Variants in ADAM10 observed in about 807,000 individuals in gnomAD.
The protein encoded by ADAM10 is disintegrin and metalloproteinase domain-containing protein 10.
ADAM10 carries 17 observed loss-of-function variants against 90.1 expected under a neutral mutation model. The ratio of observed to expected loss-of-function variants is 0.19; its 90% CI spans 0.13 to 0.28. The LOEUF (loss-of-function observed/expected upper bound fraction) is 0.28, where lower values mean the gene tolerates loss of function less well. Among genes scored for constraint, ADAM10 ranks in the 10% least tolerant of loss-of-function variants. The pLI, the probability that ADAM10 is intolerant of heterozygous loss-of-function variation, is 1.00. For missense variants in ADAM10, 610 were observed against 914.3 expected (o/e 0.67, Z 4.29); for synonymous variants, 310 against 298.6 (o/e 1.04, Z -0.40).
chr15:58,749,443 G>C, intron 1 of ADAM10, 37 bp downstream of exon 1: 4 of 1,521,018 alleles, frequency 2.6e-6, no homozygotes, highest in Non-Finnish European at 3.5e-6. Flanking sequence ...GCTCCGCCGT[G>C]GTCGCGGCGC....
intron 4 of ADAM10, among the ~76,000 whole-genome samples, chr15:58,671,874 C>G (rs1359064302): frequency 6.6e-6 from 1 of 151,854 alleles, no homozygotes; most frequent in Non-Finnish European, 1.5e-5. Flanking sequence ...TTTTAGCAGC[C>G]TTTAAACTCT....
chr15:58,739,549 T>A (rs1429029827), intron 1 of ADAM10, among the ~76,000 whole-genome samples: 2 of 151,642 alleles, frequency 1.3e-5, no homozygotes, highest in African/African-American at 2.4e-5. Flanking sequence ...ATAAATATTT[T>A]CAAAAAATAA....
chr15:58,665,823 C>A (rs1460811400), intron 4 of ADAM10, among the ~76,000 whole-genome samples: 1 of 151,920 alleles, frequency 6.6e-6, no homozygotes, highest in African/African-American at 2.4e-5. Context: ...ATTTTTAGAT[C>A]CTGACTTACT....
chr15:58,651,447 T>C (rs990022000), intron 5 of ADAM10, among the ~76,000 whole-genome samples: 2 of 152,150 alleles, frequency 1.3e-5, no homozygotes, highest in Non-Finnish European at 2.9e-5. Flanking sequence ...CCTTCTACTC[T>C]CTATCTCCAT....
At position 58,656,583 on chromosome 15, in the gene ADAM10, AAAG is replaced by A. The variant is rs1472615759; in HGVS notation, c.585+8511_585+8513del. Reference sequence around the variant, plus strand: ...AGTGATTGCATAATTATAGAAGCAAAAAGAAGACTAATAAAAACTTTACACTTT... The same window carrying A: ...AGTGATTGCATAATTATAGAAGCAAAAAGACTAATAAAAACTTTACACTTT... On this transcript the variant is annotated intron_variant, in intron 5 of 15. Transcript: ENST00000260408. Among the ~76,000 whole-genome samples, 5 of 152,160 alleles carry A rather than the reference AAAG, an allele frequency of 3.3e-5. No individual in the cohort carries two copies. In the East Asian group the frequency reaches 7.7e-4, roughly 23 times the overall value.
chr15:58,719,972 CCTTCTCCCACA>C (rs1355416866), intron 1 of ADAM10, among the ~76,000 whole-genome samples: 12 of 152,312 alleles, frequency 7.9e-5, no homozygotes, highest in African/African-American at 2.6e-4. Context: ...TCCTTTTCTT[CCTTCTCCCACA>C]CTTTGCCTTT....
chr15:58,645,552 T>C (rs544815118), intron 6 of ADAM10, among the ~76,000 whole-genome samples: 1 of 152,294 alleles, frequency 6.6e-6, no homozygotes, highest in African/African-American at 2.4e-5. Flanking sequence ...ATCTTCTCCA[T>C]TTCAAATCCT....
chr15:58,680,795 C>T (rs1897412242), intron 3 of ADAM10, among the ~76,000 whole-genome samples: 2 of 152,060 alleles, frequency 1.3e-5, no homozygotes, highest in Non-Finnish European at 2.9e-5. Context: ...GAGCCCAAGA[C>T]GCTGATATTT....
intron 11 of ADAM10, among the ~76,000 whole-genome samples, chr15:58,619,888 T>C (rs1895729581): frequency 6.7e-6 from 1 of 149,150 alleles, no homozygotes; most frequent in Admixed American, 6.7e-5. Flanking sequence ...TGGGCGACAG[T>C]GCAAGACTCC....
chr15:58,619,643 A>G (rs370260460), intron 11 of ADAM10, among the ~76,000 whole-genome samples: 1 of 151,918 alleles, frequency 6.6e-6, no homozygotes, highest in Non-Finnish European at 1.5e-5. Context: ...AGTGGCTCAC[A>G]CCTGTAATCC....
intron 14 of ADAM10, among the ~76,000 whole-genome samples, chr15:58,600,036 G>A (rs1217352997): frequency 6.6e-6 from 1 of 152,006 alleles, no homozygotes; most frequent in Non-Finnish European, 1.5e-5. Context: ...CAAAACTGGG[G>A]TCATCTTGCA....
At chr15:58,697,553 C>T (rs2140784609) in intron 2 of ADAM10, among the ~76,000 whole-genome samples, 1 of 152,326 alleles carries the variant, frequency 6.6e-6, no homozygotes, top group African/African-American at 2.4e-5. Context: ...TCCCCAACCA[C>T]ATGCACCACC....
In ADAM10 at chr15:58,657,462, T is replaced by C. The variant is rs80091426; in HGVS notation, c.585+7635A>G. 4.2e-3 allele frequency among the ~76,000 whole-genome samples: 645 copies of C among 152,348 alleles called. 3 individuals carry two copies. Among genetic ancestry groups the C allele is most frequent in the African/African-American group, 0.015 (614 of 41,580 alleles). ...CTCACTAATTCTTCTGTTTTATCAA[T>C]TCTGTTACTAAGAGACTCTGATGCA... On this transcript the variant is annotated intron_variant, in intron 5 of 15. Transcript: ENST00000260408.
At chr15:58,669,088 T>A (rs1267452623) in intron 4 of ADAM10, among the ~76,000 whole-genome samples, 27 of 152,134 alleles carry the variant, frequency 1.8e-4, no homozygotes, top group African/African-American at 6.5e-4. Context: ...ATTAATTTAT[T>A]AAGCAAACAA....
chr15:58,723,002 G>A (rs1250835353), intron 1 of ADAM10, among the ~76,000 whole-genome samples: 1 of 151,970 alleles, frequency 6.6e-6, no homozygotes, highest in African/African-American at 2.4e-5. Context: ...AAAGTGCTGG[G>A]ATTACAGGTG....
chr15:58,599,620 C>G lies in ADAM10; in HGVS notation c.2130G>C (p.Leu710Phe). Residue 710 changes from leucine (L) to phenylalanine (F), a missense_variant, in exon 15 of 16, where the codon TTG becomes TTC. Transcript: ENST00000260408. The stretch of plus-strand genomic sequence containing the variant: ...TACCTGGAAGTGGTTTAGGAGGAGG[C>G]AACTTTGGATTACTACTTGGAGTAT... ...SVHTPSSNPK[L>F]PPPKPLPGTL... 6.2e-7 allele frequency: 1 copy of G among 1,613,264 alleles called. No homozygotes were observed. Among genetic ancestry groups the G allele is most frequent in the South Asian group, 1.1e-5 (1 of 91,068 alleles).
At chr15:58,748,737 T>C (rs756902713) in intron 1 of ADAM10, 13 of 392,654 alleles carry the variant, frequency 3.3e-5, no homozygotes, top group Non-Finnish European at 5.4e-5. Context: ...GGTTTACCCT[T>C]CTCCCGACCA....
rs1476555175 is a variant in ADAM10 at position 58,684,913 on chromosome 15, G to T, written c.207-2599C>A. The stretch of plus-strand genomic sequence containing the variant: ...GAGAACTGAATTACGCTGAATTGTT[G>T]AACACCCACTTGGTGTCTGGAGAAT... On this transcript the variant is annotated intron_variant, in intron 2 of 15. Coordinates refer to ENST00000260408, the MANE Select transcript of ADAM10 (RefSeq NM_001110.4). 2.8e-4 allele frequency among the ~76,000 whole-genome samples: 42 copies of T among 152,108 alleles called. 1 individual carries two copies. The highest frequency in any genetic ancestry group is 2.9e-5 in the Non-Finnish European group (2 of 68,016).
At chr15:58,721,904 T>G (rs1159124920) in intron 1 of ADAM10, among the ~76,000 whole-genome samples, 2 of 151,802 alleles carry the variant, frequency 1.3e-5, no homozygotes, top group Non-Finnish European at 2.9e-5. Context: ...GGCAGGTGCC[T>G]GTAATCCCAG....
Sources: gnomAD v4.1 joint callset for allele counts (sites outside exome capture counted in the v4.1 genomes callset) on GRCh38, gnomAD v4.1.1 for gene constraint, MANE v1.5 for transcripts, NCBI Gene and HGNC (gene_info 2026-07-23, HGNC 2026-07-21) for gene names.